GLDN: variants seen among roughly 807,000 people sequenced by gnomAD.
The protein encoded by GLDN is collomin.
In GLDN, 47 loss-of-function variants were observed where a neutral mutation model predicts 56.5. The ratio of observed to expected loss-of-function variants is 0.83; its 90% confidence interval spans 0.66 to 1.06. The LOEUF is 1.06. GLDN is among the 50% of genes least tolerant of loss of function. The probability of loss-of-function intolerance (pLI) is 0.00; values close to 1 mark genes in which losing one functional copy is unlikely to be tolerated. For missense variants in GLDN, 782 were observed against 714.3 expected, an observed-to-expected ratio of 1.09 and a Z score of -1.08; for synonymous variants, 332 against 278.8, an observed-to-expected ratio of 1.19 and a Z score of -1.90.
In GLDN at chr15:51,384,202, G is replaced by A; in HGVS notation, c.541+310G>A. On this transcript the variant is annotated intron_variant, in intron 4 of 9. Coordinates refer to ENST00000335449, the MANE Select transcript of GLDN (RefSeq NM_181789.4). ...CTGGGAGGGGCATTCTGTGGGCCGTGTGACAGCTGGTGCTGGTGCATGCTC... is the reference window on the plus strand; with the variant it reads ...CTGGGAGGGGCATTCTGTGGGCCGTATGACAGCTGGTGCTGGTGCATGCTC... 7 of 370,114 alleles carry A rather than the reference G, an allele frequency of 1.9e-5. 1 individual carries two copies. The highest frequency in any genetic ancestry group is 1.8e-4 in the South Asian group (7 of 38,534). The allele number at this position is 370,114 out of a possible 1,614,324, so 22.9% of individuals were successfully genotyped here. A position where few individuals can be genotyped will look rare whatever the true frequency, so the allele number is the denominator to read the frequency against.
chr15:51,386,646 C>T (rs932035772), intron 4 of GLDN, among the ~76,000 whole-genome samples: 4 of 152,264 alleles, frequency 2.6e-5, no homozygotes, highest in South Asian at 2.1e-4. Context: ...AACCGGCAGG[C>T]GAATGAGCCA....
At chr15:51,390,030 T>C (rs2037982247) in intron 4 of GLDN, among the ~76,000 whole-genome samples, 1 of 152,216 alleles carries the variant, frequency 6.6e-6, no homozygotes, top group African/African-American at 2.4e-5. Context: ...GCTAAGAATG[T>C]TAGTGGAATA....
intron 1 of GLDN, among the ~76,000 whole-genome samples, chr15:51,352,665 G>A (rs1172380709): frequency 6.6e-6 from 1 of 152,134 alleles, no homozygotes; most frequent in African/African-American, 2.4e-5. Flanking sequence ...ATGGCAACAG[G>A]GCTTCTTCAG....
rs572078744 is a variant in GLDN at position 51,366,869 on chromosome 15, G to C, written c.364-10580G>C. On this transcript the variant is annotated intron_variant, in intron 1 of 9. Transcript: ENST00000335449. ...CACTCCAGCCTGGACAACAGAGTAA[G>C]ACCCTGTCTGAAAAAAAAAAAGTAT... Among the ~76,000 whole-genome samples, 5 of 148,528 alleles carry C rather than the reference G, an allele frequency of 3.4e-5. No individual in the cohort carries two copies. The East Asian group carries it at 5.9e-4, about 17-fold the overall frequency.
intron 1 of GLDN, among the ~76,000 whole-genome samples, chr15:51,370,474 T>C (rs2037492834): frequency 6.6e-6 from 1 of 152,218 alleles, no homozygotes; most frequent in South Asian, 2.1e-4. Context: ...ATCACTGGAC[T>C]TTACAAGAGT....
At position 51,406,574 on chromosome 15, in the gene GLDN, G is replaced by A. The variant is rs1218375064; in HGVS notation, c.*1820G>A. On this transcript the variant is annotated 3_prime_UTR_variant, in exon 10 of 10. Coordinates refer to ENST00000335449, the MANE Select transcript of GLDN (RefSeq NM_181789.4). ...GCAATCCCAGCTACTTTGGAGGCAG[G>A]GATGGGAGGATCACTTGAGGCCAGG... is the stretch of plus-strand genomic sequence containing the variant. 6.6e-6 allele frequency: 1 copy of A among 152,174 alleles called. No homozygotes were observed. The highest frequency in any genetic ancestry group is 1.5e-5 in the Non-Finnish European group (1 of 68,036). The allele number at this position is 152,174 out of a possible 1,614,324, so 9.4% of individuals were successfully genotyped here. A position where few individuals can be genotyped will look rare whatever the true frequency, so the allele number is the denominator to read the frequency against.
chr15:51,375,463 A>G (rs192097010), intron 1 of GLDN, among the ~76,000 whole-genome samples: 13 of 152,326 alleles, frequency 8.5e-5, no homozygotes, highest in African/African-American at 2.6e-4. Flanking sequence ...GTGCTGCTCT[A>G]TATTTGCATT....
chr15:51,412,789 T>A (rs1455741165), downstream of GLDN, among the ~76,000 whole-genome samples: 3 of 152,194 alleles, frequency 2.0e-5, no homozygotes, highest in Non-Finnish European at 4.4e-5. Context: ...TTTGTACTAA[T>A]GTTTTATTAA....
chr15:51,395,995 G>T (rs1409439251), intron 5 of GLDN, among the ~76,000 whole-genome samples: 2 of 152,090 alleles, frequency 1.3e-5, no homozygotes, highest in Non-Finnish European at 2.9e-5. Flanking sequence ...TATTACCAAG[G>T]AGATGACCCA....
intron 2 of GLDN, among the ~76,000 whole-genome samples, chr15:51,379,708 A>G (rs990524037): frequency 3.3e-5 from 5 of 152,224 alleles, no homozygotes; most frequent in African/African-American, 9.6e-5. Flanking sequence ...TAAGTGGCTC[A>G]GCTCTTATCA....
chr15:51,404,109 C>T (rs927001906), intron 9 of GLDN, among the ~76,000 whole-genome samples, 168 bp from the exon 10 acceptor site: 1 of 152,202 alleles, frequency 6.6e-6, no homozygotes, highest in African/African-American at 2.4e-5. Context: ...CTGCTCACAG[C>T]ATTGCCCAAG....
rs1156682428 is a variant in GLDN, at chr15:51,405,664, TCTC to T, written c.*913_*915del. On this transcript the variant is annotated 3_prime_UTR_variant, in exon 10 of 10. Coordinates refer to ENST00000335449, the MANE Select transcript of GLDN (RefSeq NM_181789.4). Reference sequence around the variant, plus strand: ...TCAGATCACTCTGACTTCTTATGCTTCTCCTGTGGATCCACTATCAAAGTACTA... The same window carrying T: ...TCAGATCACTCTGACTTCTTATGCTTCTGTGGATCCACTATCAAAGTACTA... The T allele has an allele frequency of 1.3e-5, 2 of 152,196 alleles. No individual in the cohort carries two copies. Among genetic ancestry groups the T allele is most frequent in the African/African-American group, 4.8e-5 (2 of 41,444 alleles). The allele number at this position is 152,196 out of a possible 1,614,324, so 9.4% of individuals were successfully genotyped here. A position where few individuals can be genotyped will look rare whatever the true frequency, so the allele number is the denominator to read the frequency against.
At chr15:51,395,681 C>T (rs1001253303) in intron 5 of GLDN, among the ~76,000 whole-genome samples, 1 of 152,172 alleles carries the variant, frequency 6.6e-6, no homozygotes, top group South Asian at 2.1e-4. Flanking sequence ...ATGCAATTTA[C>T]CTGGCATTTT....
At chr15:51,386,275 G>C (rs1016987191) in intron 4 of GLDN, among the ~76,000 whole-genome samples, 2 of 152,188 alleles carry the variant, frequency 1.3e-5, no homozygotes, top group Admixed American at 1.3e-4. Flanking sequence ...CAGGCCAGGG[G>C]AAGTGGGAGA....
At chr15:51,388,404 T>C (rs1181435315) in intron 4 of GLDN, among the ~76,000 whole-genome samples, 2 of 152,174 alleles carry the variant, frequency 1.3e-5, no homozygotes, top group African/African-American at 4.8e-5. Context: ...AATCACCCCC[T>C]GGTGATTATT....
At chr15:51,354,919 C>T (rs1220716812) in intron 1 of GLDN, among the ~76,000 whole-genome samples, 1 of 152,134 alleles carries the variant, frequency 6.6e-6, no homozygotes, top group Non-Finnish European at 1.5e-5. Flanking sequence ...TTACATTAAT[C>T]CAGGCAAGAA....
At position 51,394,839 on chromosome 15, in the gene GLDN, A is replaced by G; in HGVS notation, c.546A>G (p.Ile182Met). The G allele has an allele frequency of 1.9e-6, 3 of 1,613,826 alleles. No individual in the cohort carries two copies. Among genetic ancestry groups the G allele is most frequent in the Non-Finnish European group, 2.5e-6 (3 of 1,179,878 alleles). The change falls in exon 5 of 10, where the codon ATA (isoleucine) becomes ATG (methionine). Residue 182 changes from isoleucine to methionine, a missense_variant. By Grantham distance (10) the Ile-to-Met change is conservative (BLOSUM62 1). Transcript: ENST00000335449. Reference protein sequence around the residue: ...GANGKRGKMGIPGAAGNPGER... With the variant: ...GANGKRGKMGMPGAAGNPGER... ...GTCTTTTGTTTTTTTGGTCAGGGAT[A>G]CCTGGAGCTGCAGGAAATCCAGGGG...
intron 4 of GLDN, among the ~76,000 whole-genome samples, chr15:51,386,330 C>T (rs2037892258): frequency 6.6e-6 from 1 of 152,194 alleles, no homozygotes; most frequent in South Asian, 2.1e-4. Context: ...GATGGGATCG[C>T]TCACTTCATG....
chr15:51,403,926 G>A (rs1457959342), intron 9 of GLDN, among the ~76,000 whole-genome samples: 2 of 152,134 alleles, frequency 1.3e-5, no homozygotes, highest in East Asian at 3.8e-4. Flanking sequence ...TCTTTGAGGG[G>A]GCATTTCAGG....
Sources: gnomAD v4.1 joint callset for allele counts (sites outside exome capture counted in the v4.1 genomes callset) on GRCh38, gnomAD v4.1.1 for gene constraint, MANE v1.5 for transcripts, NCBI Gene and HGNC (gene_info 2026-07-23, HGNC 2026-07-21) for gene names.